Variants in HMG20A observed in about 807,000 individuals in gnomAD.
The protein encoded by HMG20A is high mobility group protein 20A.
Under a neutral mutation model 43.9 loss-of-function variants are expected in HMG20A, and 17 were observed. The ratio of observed to expected loss-of-function variants is 0.39; its 90% confidence interval spans 0.27 to 0.58. The LOEUF (loss-of-function observed/expected upper bound fraction) is 0.58, where lower values mean the gene tolerates loss of function less well. HMG20A is among the 20% of genes least tolerant of loss of function. The pLI is 0.59. For missense variants in HMG20A, 341 were observed against 438.2 expected, an observed-to-expected ratio of 0.78 and a Z score of 1.98; for synonymous variants, 132 against 147.5, an observed-to-expected ratio of 0.89 and a Z score of 0.76.
the HMG20A span, among the ~76,000 whole-genome samples, chr15:77,515,221 T>C: frequency 1.3e-5 from 2 of 152,034 alleles, no homozygotes; most frequent in Admixed American, 6.5e-5. Flanking sequence ...GTGGGTACAA[T>C]AGACAGTGGT....
At chr15:77,448,857 G>T (rs1351298524) in intron 1 of HMG20A, among the ~76,000 whole-genome samples, 1 of 152,024 alleles carries the variant, frequency 6.6e-6, no homozygotes, top group Non-Finnish European at 1.5e-5. Context: ...GCCGAGGTGG[G>T]TGGATCACAA....
the HMG20A span, among the ~76,000 whole-genome samples, chr15:77,508,776 G>A: frequency 6.6e-6 from 1 of 152,244 alleles, no homozygotes; most frequent in African/African-American, 2.4e-5. Flanking sequence ...AATCATTGCA[G>A]ACTCAATGGG....
At chr15:77,446,545 C>T (rs1406927607) in intron 1 of HMG20A, among the ~76,000 whole-genome samples, 1 of 152,146 alleles carries the variant, frequency 6.6e-6, no homozygotes, top group African/African-American at 2.4e-5. Flanking sequence ...CGGTGGCTCA[C>T]GCCTGTAATC....
intron 4 of HMG20A, among the ~76,000 whole-genome samples, chr15:77,468,241 T>C (rs1306502997): frequency 6.6e-6 from 1 of 152,188 alleles, no homozygotes; most frequent in South Asian, 2.1e-4. Flanking sequence ...ATTCTTTTCT[T>C]TTTTTTCTTT....
chr15:77,500,480 T>C, the HMG20A span, among the ~76,000 whole-genome samples: 1 of 151,902 alleles, frequency 6.6e-6, no homozygotes, highest in African/African-American at 2.4e-5. Context: ...TCCAAATGCA[T>C]CTCCTGTTAC....
chr15:77,480,609 C>G (rs1481250173), intron 9 of HMG20A, among the ~76,000 whole-genome samples: 2 of 135,698 alleles, frequency 1.5e-5, no homozygotes, highest in Non-Finnish European at 1.6e-5. Flanking sequence ...AAGATTCTGT[C>G]TCAAAAAAAA....
intron 1 of HMG20A, among the ~76,000 whole-genome samples, chr15:77,457,387 A>G (rs1014949672): frequency 6.6e-6 from 1 of 152,030 alleles, no homozygotes; most frequent in African/African-American, 2.4e-5. Flanking sequence ...CAATTCTCCC[A>G]ATTGATTGAG....
intron 1 of HMG20A, chr15:77,458,123 T>A (rs2072672699): frequency 3.8e-6 from 1 of 260,248 alleles, no homozygotes; most frequent in Non-Finnish European, 7.4e-6. Flanking sequence ...TGAATACTTT[T>A]GAAGATACTC....
intron 2 of HMG20A, among the ~76,000 whole-genome samples, chr15:77,462,873 A>G (rs1336076058): frequency 6.6e-6 from 1 of 151,062 alleles, no homozygotes; most frequent in African/African-American, 2.4e-5. Flanking sequence ...CCCAGGTTCA[A>G]GCGGTTCTCC....
the HMG20A span, among the ~76,000 whole-genome samples, chr15:77,497,328 G>T: frequency 2.0e-5 from 3 of 152,254 alleles, no homozygotes; most frequent in Non-Finnish European, 2.9e-5. Flanking sequence ...CCTAGGCAAG[G>T]CGAGACAATG....
At chr15:77,517,868 A>C in the HMG20A span, among the ~76,000 whole-genome samples, 1 of 152,026 alleles carries the variant, frequency 6.6e-6, no homozygotes, top group Non-Finnish European at 1.5e-5. Flanking sequence ...CTCACTTACT[A>C]TGTGGATAAT....
chr15:77,488,358 A>T (rs1163386992), downstream of HMG20A, among the ~76,000 whole-genome samples: 1 of 152,220 alleles, frequency 6.6e-6, no homozygotes, highest in Non-Finnish European at 1.5e-5. Flanking sequence ...TCTGCCCTCC[A>T]TAATTTCTGA....
At chr15:77,432,550 C>T (rs536129791) in intron 1 of HMG20A, among the ~76,000 whole-genome samples, 2 of 151,860 alleles carry the variant, frequency 1.3e-5, no homozygotes, top group South Asian at 4.2e-4. Context: ...GGCAAAAGCC[C>T]ATCTCTATTA....
chr15:77,458,407 G>A lies in HMG20A; in HGVS notation c.-1G>A, dbSNP rs61755713. 1.7e-3 allele frequency: 2,657 copies of A among 1,607,964 alleles called. 5 individuals are homozygous for A. The highest frequency in any genetic ancestry group is 1.9e-3 in the Non-Finnish European group (2,187 of 1,174,894). On this transcript the variant is annotated 5_prime_UTR_variant, in exon 2 of 10. Coordinates refer to ENST00000336216, the MANE Select transcript of HMG20A (RefSeq NM_001304504.2). ...TTTTATTCTCTTTTCCTTTCAGAGAGATGGAAAACTTGATGACTAGCTCCA... is the reference window on the plus strand; with the variant it reads ...TTTTATTCTCTTTTCCTTTCAGAGAAATGGAAAACTTGATGACTAGCTCCA...
intron 1 of HMG20A, among the ~76,000 whole-genome samples, chr15:77,451,877 G>A (rs185531689): frequency 1.8e-4 from 28 of 152,286 alleles, no homozygotes; most frequent in African/African-American, 6.0e-4. Context: ...AATATCTAAC[G>A]TGAATGGAAA....
At chr15:77,450,716 A>G (rs528818114) in intron 1 of HMG20A, among the ~76,000 whole-genome samples, 21 of 152,366 alleles carry the variant, frequency 1.4e-4, no homozygotes, top group African/African-American at 5.0e-4. Flanking sequence ...GTTAACAACA[A>G]ACAATGGCAA....
intron 1 of HMG20A, among the ~76,000 whole-genome samples, chr15:77,423,449 GAATT>G (rs1379187032): frequency 1.3e-5 from 2 of 151,990 alleles, no homozygotes; most frequent in Admixed American, 6.6e-5. Flanking sequence ...AAAATTTAAA[GAATT>G]AATATTTTTG....
intron 1 of HMG20A, among the ~76,000 whole-genome samples, chr15:77,439,269 G>A (rs545764751): frequency 7.2e-5 from 11 of 152,218 alleles, no homozygotes; most frequent in Admixed American, 2.0e-4. Context: ...AACCAATGCT[G>A]CTTTTTTTCT....
chr15:77,487,368 T>C (rs952994956), downstream of HMG20A, among the ~76,000 whole-genome samples: 2 of 152,238 alleles, frequency 1.3e-5, no homozygotes, highest in African/African-American at 4.8e-5. Flanking sequence ...ATTTATGCAC[T>C]CTAAGCCCAA....
Sources: allele counts gnomAD v4.1 joint callset (sites outside exome capture counted in the v4.1 genomes callset), GRCh38; gene constraint gnomAD v4.1.1; transcripts MANE v1.5; gene names NCBI Gene and HGNC (gene_info 2026-07-23, HGNC 2026-07-21).